THOC2: variants seen among roughly 807,000 people sequenced by gnomAD.
The protein encoded by THOC2 is THO complex 2.
THOC2 carries 10 observed loss-of-function variants against 128.4 expected under a neutral mutation model. The observed-to-expected ratio is 0.08, with a 90% confidence interval of 0.05 to 0.13. The LOEUF (loss-of-function observed/expected upper bound fraction) is 0.13. Ranked by LOEUF, THOC2 falls within the 10% of genes least tolerant of loss-of-function variation. The pLI is 1.00. For missense variants in THOC2, 535 were observed against 1,155.7 expected (o/e 0.46, Z 7.79); for synonymous variants, 393 against 396.9 (o/e 0.99, Z 0.12).
At position 123,623,802 on chromosome X, in the gene THOC2, T is replaced by A. The variant is rs1436493349; in HGVS notation, c.3488A>T (p.Tyr1163Phe). The change falls in exon 28 of 39, where the codon TAT becomes TTT. Residue 1163 changes from tyrosine (Y) to phenylalanine (F), a missense_variant. Tyr to Phe is a conservative substitution (Grantham distance 22). Around this residue, in one of 9 missense-constraint regions of THOC2, gnomAD observed 20 missense variants for 67.0 expected, o/e 0.30. Coordinates refer to ENST00000245838, the MANE Select transcript of THOC2 (RefSeq NM_001081550.2). ...QEEKEKRPDLYALAMGYSGQL... is the reference protein window; with the variant it reads ...QEEKEKRPDLFALAMGYSGQL... ...ATTTTGTTACCCCATAGCCAATGCA[T>A]ATAGATCTGGCCTCTTCTCTTTTTC... The A allele has an allele frequency of 8.3e-7, 1 of 1,207,292 alleles. No individual in the cohort carries two copies. Among genetic ancestry groups the A allele is most frequent in the African/African-American group, 1.7e-5 (1 of 57,146 alleles).
chrX:123,611,601 A>G (rs1478222292), intron 36 of THOC2, 85 bp from the exon 37 acceptor site: 2 of 572,956 alleles, frequency 3.5e-6, no homozygotes, highest in East Asian at 3.4e-5. Context: ...CCCGCGAGCT[A>G]TATTTGTCTT....
Position 123,638,937 on chromosome X carries a change from C to A in THOC2, c.1837G>T (p.Ala613Ser). 1.8e-6 allele frequency: 2 copies of A among 1,123,055 alleles called. No homozygotes were observed. Among genetic ancestry groups the A allele is most frequent in the Non-Finnish European group, 2.4e-6 (2 of 825,005 alleles). 92.6% of individuals were successfully genotyped at this position (1,123,055 alleles called of 1,213,427 possible). ...ATTACTTCACTTGAAAGGATACAGG[C>A]CAAGACATCATAATTCAGTGAAGTG... ...YLTSLNYDVLAYCIIEALANP... is the reference protein window; with the variant it reads ...YLTSLNYDVLSYCIIEALANP... Residue 613 changes from alanine (A) to serine (S), a missense_variant, in exon 17 of 39, where the codon GCC (alanine) becomes TCC (serine). Coordinates refer to ENST00000245838, the MANE Select transcript of THOC2 (RefSeq NM_001081550.2).
At chrX:123,726,969 G>C (rs756839805) in intron 1 of THOC2, among the ~76,000 whole-genome samples, 3 of 111,701 alleles carry the variant, frequency 2.7e-5, no homozygotes, top group Admixed American at 1.9e-4. Context: ...GGAGGCTGAG[G>C]GGGGAGGATC....
chrX:123,701,257 G>A (rs2050691530), intron 4 of THOC2, among the ~76,000 whole-genome samples: 1 of 112,181 alleles, frequency 8.9e-6, no homozygotes, highest in African/African-American at 3.2e-5. Flanking sequence ...TCAGGAGGCT[G>A]AGACAGGAGA....
chrX:123,615,252 T>C (rs1438891399), intron 33 of THOC2, among the ~76,000 whole-genome samples: 1 of 111,627 alleles, frequency 9.0e-6, no homozygotes, highest in Admixed American at 9.5e-5. Flanking sequence ...AGAAATCCTT[T>C]GGTATTCAAA....
intron 2 of THOC2, among the ~76,000 whole-genome samples, chrX:123,707,263 A>T (rs987229132): frequency 3.6e-5 from 4 of 111,389 alleles, no homozygotes; most frequent in East Asian, 5.6e-4. Context: ...CCCCCAAAAC[A>T]ATTTTAAAGC....
At chrX:123,719,549 A>G (rs1284358610) in intron 1 of THOC2, among the ~76,000 whole-genome samples, 2 of 109,307 alleles carry the variant, frequency 1.8e-5, no homozygotes, top group African/African-American at 6.7e-5. Context: ...ATATGCTGAC[A>G]TCACGCCACT....
At chrX:123,621,052 T>C (rs1035053995) in intron 31 of THOC2, 87 bp from the exon 32 acceptor site, 5 of 1,183,388 alleles carry the variant, frequency 4.2e-6, no homozygotes, top group Admixed American at 4.6e-5. Flanking sequence ...GTATGACAAG[T>C]TCCCCTAGCA....
At position 123,641,370 on chromosome X, in the gene THOC2, T is replaced by C. The variant is rs145579020; in HGVS notation, c.1662-748A>G. Among the ~76,000 whole-genome samples, 522 of 112,208 alleles carry C rather than the reference T, an allele frequency of 4.7e-3. 4 individuals are homozygous for C. Among genetic ancestry groups the C allele is most frequent in the African/African-American group, 0.015 (477 of 30,970 alleles). On this transcript the variant is annotated intron_variant, in intron 15 of 38. Transcript: ENST00000245838. Reference sequence around the variant, plus strand: ...GATGAAAATATAATGAAGTAAATTATGAATTCAGTTTATAATTCAGGAGAT... The same window carrying C: ...GATGAAAATATAATGAAGTAAATTACGAATTCAGTTTATAATTCAGGAGAT...
chrX:123,724,361 T>G (rs1338175613), intron 1 of THOC2, among the ~76,000 whole-genome samples: 1 of 111,393 alleles, frequency 9.0e-6, no homozygotes, highest in Non-Finnish European at 1.9e-5. Flanking sequence ...ACTTCTAGGT[T>G]TCACAAATAT....
At chrX:123,681,355 T>C (rs1012669117) in intron 8 of THOC2, among the ~76,000 whole-genome samples, 2 of 109,110 alleles carry the variant, frequency 1.8e-5, no homozygotes, top group Non-Finnish European at 3.8e-5. Flanking sequence ...AGATAATTTG[T>C]TATTGAAGGG....
At position 123,644,645 on chromosome X, in the gene THOC2, T is replaced by C; in HGVS notation, c.1591A>G (p.Thr531Ala). Residue 531 changes from threonine to alanine, a missense_variant, in exon 15 of 39, where the codon ACT (threonine) becomes GCT (alanine). Physicochemically the swap from Thr to Ala is moderately conservative, Grantham distance 58. Coordinates refer to ENST00000245838, the MANE Select transcript of THOC2 (RefSeq NM_001081550.2). ...ACTAAAAGTGGGTGACTGTTATAAG[T>C]TTCATTCTTCCACTGGCCATACAGA... ...YRLYGQWKNE[T>A]YNSHPLLVKV... The C allele has an allele frequency of 1.7e-6, 2 of 1,206,675 alleles. No homozygotes were observed. Among genetic ancestry groups the C allele is most frequent in the East Asian group, 3.0e-5 (1 of 33,747 alleles).
chrX:123,652,618 A>C (rs189968464), intron 12 of THOC2, among the ~76,000 whole-genome samples: 24 of 112,022 alleles, frequency 2.1e-4, no homozygotes, highest in Admixed American at 1.3e-3. Context: ...AAAAATCACA[A>C]GCATTCCTAT....
At chrX:123,673,682 T>G (rs773938010) in intron 8 of THOC2, among the ~76,000 whole-genome samples, 1 of 112,084 alleles carries the variant, frequency 8.9e-6, no homozygotes, top group Non-Finnish European at 1.9e-5. Flanking sequence ...CAAAATTCCC[T>G]ATATCCAAAT....
At chrX:123,719,701 C>A (rs763390827) in intron 1 of THOC2, among the ~76,000 whole-genome samples, 1 of 109,996 alleles carries the variant, frequency 9.1e-6, no homozygotes, top group African/African-American at 3.3e-5. Flanking sequence ...ATTTGCAAGG[C>A]CGAGGCAGGA....
At chrX:123,654,398 G>A (rs1449927654) in intron 12 of THOC2, among the ~76,000 whole-genome samples, 1 of 108,083 alleles carries the variant, frequency 9.3e-6, no homozygotes, top group Non-Finnish European at 1.9e-5. Context: ...AGAACTTAAA[G>A]TATAATAATA....
intron 12 of THOC2, among the ~76,000 whole-genome samples, chrX:123,654,758 C>CAAAA (rs149260708): frequency 2.5e-4 from 6 of 24,358 alleles, no homozygotes; most frequent in African/African-American, 6.3e-4. Flanking sequence ...GACTCCGTCT[C>CAAAA]AAAAAAAAAA....
intron 4 of THOC2, among the ~76,000 whole-genome samples, chrX:123,702,241 C>G (rs1350687384): frequency 9.0e-6 from 1 of 110,500 alleles, no homozygotes; most frequent in East Asian, 2.8e-4. Flanking sequence ...TCAAGACCAG[C>G]CTGGGCAACA....
rs183297092 is a variant in THOC2 at position 123,619,097 on chromosome X, G to A, written c.4311+304C>T. Among the ~76,000 whole-genome samples the A allele has an allele frequency of 9.9e-3, 1,106 of 112,109 alleles. 55 individuals carry two copies. The highest frequency in any genetic ancestry group is 0.093 in the Admixed American group (982 of 10,566). ...CAATCAAATAACCTCTTCCCCGAAT[G>A]TTAAACTTATTTCCAGATTTTGAAA... is the stretch of plus-strand genomic sequence containing the variant. On this transcript the variant is annotated intron_variant, in intron 33 of 38. Transcript: ENST00000245838.
Sources: gnomAD v4.1 joint callset for allele counts (sites outside exome capture counted in the v4.1 genomes callset) on GRCh38, gnomAD v4.1.1 for gene constraint, gnomAD v4.1.1 regional missense constraint, MANE v1.5 for transcripts, NCBI Gene and HGNC (gene_info 2026-07-23, HGNC 2026-07-21) for gene names.